The following CRTAP variants were observed in gnomAD, a reference collection of about 807,000 sequenced individuals.
The protein encoded by CRTAP is cartilage associated protein.
CRTAP carries 33 observed loss-of-function variants against 42.7 expected under a neutral mutation model. That is an observed-to-expected ratio of 0.77 (90% CI 0.59 to 1.03). CRTAP has a LOEUF of 1.03. Among genes scored for constraint, CRTAP ranks in the 50% least tolerant of loss-of-function variants. The probability of loss-of-function intolerance (pLI) is 0.00; values close to 1 mark genes in which losing one functional copy is unlikely to be tolerated. For missense variants in CRTAP, 613 were observed against 533.9 expected (o/e 1.15, Z -1.46); for synonymous variants, 243 against 217.7 (o/e 1.12, Z -1.02).
intron 3 of CRTAP, among the ~76,000 whole-genome samples, chr3:33,129,334 A>G (rs1298298812): frequency 6.6e-6 from 1 of 152,104 alleles, no homozygotes; most frequent in Non-Finnish European, 1.5e-5. Flanking sequence ...GGTAGTTTAA[A>G]TTATTTTGGG....
intron 6 of CRTAP, among the ~76,000 whole-genome samples, chr3:33,137,522 A>G (rs369416708): frequency 2.1e-3 from 327 of 152,310 alleles, no homozygotes; most frequent in South Asian, 0.019. Context: ...TGTCTATTCA[A>G]ATCTTTTGTC....
chr3:33,131,729 A>T (rs2030269665), intron 4 of CRTAP, among the ~76,000 whole-genome samples: 2 of 152,108 alleles, frequency 1.3e-5, no homozygotes, highest in Non-Finnish European at 2.9e-5. Context: ...GGTATTATTT[A>T]TATTTGAAGA....
In CRTAP at chr3:33,124,508, AC is replaced by A; in HGVS notation, c.723del (p.Tyr241Ter). 1.2e-6 allele frequency: 2 copies of A among 1,614,208 alleles called. No individual in the cohort carries two copies. The highest frequency in any genetic ancestry group is 1.7e-6 in the Non-Finnish European group (2 of 1,180,040). Reference protein sequence around the residue: ...LALPDFFKAFYECLAACEGSR... With the variant: ...LALPDFFKAFXECLAACEGSR... ...CTTCCCGACTTCTTCAAAGCCTTTT[AC>A]GAGTGTCTCGCAGCCTGCGAGGGTT... is the stretch of plus-strand genomic sequence containing the variant. On this transcript the variant is annotated frameshift_variant, in exon 3 of 7. Transcript: ENST00000320954. LOFTEE classifies it high-confidence loss of function.
chr3:33,119,415 A>G (rs1339884287), intron 1 of CRTAP, among the ~76,000 whole-genome samples: 2 of 152,126 alleles, frequency 1.3e-5, no homozygotes, highest in Non-Finnish European at 2.9e-5. Flanking sequence ...AGAACCCAGA[A>G]CTAGCCCAAC....
In CRTAP at chr3:33,130,059, A is replaced by C. The variant is rs535806404; in HGVS notation, c.914A>C (p.Tyr305Ser). ...ATMYHYLQFA[Y>S]YKLNDLKNAA... ...ATGTATCATTACTTGCAGTTTGCCT[A>C]TTATAAGTGTAAGTAATCTTCTGTG... The change falls in exon 4 of 7, where the codon TAT becomes TCT. Residue 305 changes from tyrosine (Y) to serine (S), a missense_variant. Physicochemically the swap from Tyr to Ser is moderately radical, Grantham distance 144. Transcript: ENST00000320954. 1.2e-6 allele frequency: 2 copies of C among 1,613,510 alleles called. No individual in the cohort carries two copies. The highest frequency in any genetic ancestry group is 1.3e-5 in the African/African-American group (1 of 74,914).
In CRTAP at chr3:33,142,834, A is replaced by G. The variant is rs1015409587; in HGVS notation, c.*386A>G. The G allele has an allele frequency of 7.6e-5, 18 of 235,918 alleles. No homozygotes were observed. The highest frequency in any genetic ancestry group is 1.4e-4 in the Non-Finnish European group (16 of 117,694). 14.6% of individuals were successfully genotyped at this position (235,918 alleles called of 1,614,324 possible). The stretch of plus-strand genomic sequence containing the variant: ...CACGCCCGGCTAATTTTGTATTTTT[A>G]GTAGAGACGGGGTTTTGCCATGTTG... On this transcript the variant is annotated 3_prime_UTR_variant, in exon 7 of 7. Transcript: ENST00000320954.
rs775467663 is a variant in CRTAP, at chr3:33,114,189, C to G, written c.112C>G (p.Arg38Gly). Residue 38 changes from arginine to glycine, a missense_variant, in exon 1 of 7, where the codon CGG becomes GGG. By Grantham distance (125) the Arg-to-Gly change is moderately radical. Transcript: ENST00000320954. The part of the protein sequence containing the change: ...YERYSFRSFP[R>G]DELMPLESAY... ...ACGCTACAGCTTCCGCAGCTTCCCACGGGACGAGCTGATGCCGCTCGAGTC... is the reference window on the plus strand; with the variant it reads ...ACGCTACAGCTTCCGCAGCTTCCCAGGGGACGAGCTGATGCCGCTCGAGTC... The G allele has an allele frequency of 1.3e-6, 2 of 1,592,948 alleles. No individual in the cohort carries two copies. Among genetic ancestry groups the G allele is most frequent in the East Asian group, 2.3e-5 (1 of 44,184 alleles).
chr3:33,133,019 G>T (rs2030315400), intron 5 of CRTAP, among the ~76,000 whole-genome samples: 1 of 151,874 alleles, frequency 6.6e-6, no homozygotes. Flanking sequence ...AGAGGTTGCT[G>T]TGAGCCGAGA....
chr3:33,123,316 G>T (rs916656761), intron 2 of CRTAP, among the ~76,000 whole-genome samples: 1 of 152,182 alleles, frequency 6.6e-6, no homozygotes, highest in African/African-American at 2.4e-5. Flanking sequence ...GGTTGGAGGT[G>T]GGGCCTGGTG....
rs1386386679 is a variant in CRTAP at position 33,145,247 on chromosome 3, G to A, written c.*2799G>A. On this transcript the variant is annotated 3_prime_UTR_variant, in exon 7 of 7. Coordinates refer to ENST00000320954, the MANE Select transcript of CRTAP (RefSeq NM_006371.5). This position sits in a 1 kb window ranked among gnomAD's most constrained non-coding sequence, Gnocchi z 4.3. ...CCCTGCATCAGGTTCTCCTTTGAGG[G>A]TACCCACCCAGGACAGTCCCCTACC... 2.0e-5 allele frequency: 3 copies of A among 152,360 alleles called. 1 individual carries two copies. Among genetic ancestry groups the A allele is most frequent in the Non-Finnish European group, 4.4e-5 (3 of 68,172 alleles). The allele number at this position is 152,360 out of a possible 1,614,324, so 9.4% of individuals were successfully genotyped here.
Position 33,142,736 on chromosome 3 carries a change from C to A in CRTAP, c.*288C>A. On this transcript the variant is annotated 3_prime_UTR_variant, in exon 7 of 7. Transcript: ENST00000320954. Reference sequence around the variant, plus strand: ...ATGGCACGTTCTCAGCTCACTGCAACCTCCGCCTCTTGGGTTCAAGCAATT... The same window carrying A: ...ATGGCACGTTCTCAGCTCACTGCAAACTCCGCCTCTTGGGTTCAAGCAATT... The A allele has an allele frequency of 5.7e-6, 2 of 350,504 alleles. No homozygotes were observed. The highest frequency in any genetic ancestry group is 1.1e-5 in the Non-Finnish European group (2 of 184,086). The allele number at this position is 350,504 out of a possible 1,614,324, so 21.7% of individuals were successfully genotyped here. A position where few individuals can be genotyped will look rare whatever the true frequency, so the allele number is the denominator to read the frequency against.
intron 3 of CRTAP, among the ~76,000 whole-genome samples, chr3:33,129,346 G>T (rs1438893272): frequency 6.6e-6 from 1 of 152,036 alleles, no homozygotes; most frequent in Non-Finnish European, 1.5e-5. Flanking sequence ...TATTTTGGGG[G>T]TAATTGTATT....
rs189866255 is a variant in CRTAP, at chr3:33,117,408, T to C, written c.471+2860T>C. On this transcript the variant is annotated intron_variant, in intron 1 of 6. Transcript: ENST00000320954. ...TTGTAGAAAAGGGCTGTGCTACTGG[T>C]GTGCAGCCTCAGGTGCATCATAGGT... 6.2e-4 allele frequency among the ~76,000 whole-genome samples: 95 copies of C among 152,316 alleles called. 1 individual carries two copies. The highest frequency in any genetic ancestry group is 6.8e-3 in the Middle Eastern group (2 of 294).
At chr3:33,116,057 G>A (rs1237202901) in intron 1 of CRTAP, among the ~76,000 whole-genome samples, 2 of 152,092 alleles carry the variant, frequency 1.3e-5, no homozygotes, top group African/African-American at 4.8e-5. Context: ...TTTTTGTATA[G>A]CTTTTGGCAA....
At position 33,134,217 on chromosome 3, in the gene CRTAP, GA is replaced by G. The variant is rs1446021066; in HGVS notation, c.1106del (p.Lys369ArgfsTer11). The G allele has an allele frequency of 2.5e-6, 4 of 1,613,536 alleles. No individual in the cohort carries two copies. The South Asian group carries it at 4.4e-5, about 18-fold the overall frequency. On this transcript the variant is annotated frameshift_variant, in exon 6 of 7. Transcript: ENST00000320954. LOFTEE classifies it high-confidence loss of function. ...VQFFNVTTLQ[K>X]ELYDFAKENI... Reference sequence around the variant, plus strand: ...AGTTCTTTAATGTGACCACACTCCAGAAGGAGCTGTATGACTTTGCTAAGGA... The same window carrying G: ...AGTTCTTTAATGTGACCACACTCCAGAGGAGCTGTATGACTTTGCTAAGGA...
rs4355234 is a variant in CRTAP, at chr3:33,144,595, A to G, written c.*2147A>G. 22,036 of 152,306 alleles carry G rather than the reference A, an allele frequency of 0.14. 1,815 individuals carry two copies. The highest frequency in any genetic ancestry group is 0.27 in the East Asian group (1,410 of 5,172). 9.4% of individuals were successfully genotyped at this position (152,306 alleles called of 1,614,324 possible). ...TGTAGGCATCTGGCAGCTACCATGC[A>G]TGGTAGTGTGTTGGGGGTGGGGGTC... On this transcript the variant is annotated 3_prime_UTR_variant, in exon 7 of 7. Coordinates refer to ENST00000320954, the MANE Select transcript of CRTAP (RefSeq NM_006371.5).
chr3:33,133,667 A>ACTT (rs1553617754), intron 5 of CRTAP, among the ~76,000 whole-genome samples: 1 of 151,490 alleles, frequency 6.6e-6, no homozygotes, highest in African/African-American at 2.4e-5. Flanking sequence ...ACTTTTTGCA[A>ACTT]CTTTGTCTTT....
rs1482428478 is a variant in CRTAP at position 33,146,036 on chromosome 3, AAAAAC to A, written c.*3593_*3597del. 6.6e-6 allele frequency: 1 copy of A among 151,944 alleles called. No individual in the cohort carries two copies. The highest frequency in any genetic ancestry group is 2.4e-5 in the African/African-American group (1 of 41,230). 9.4% of individuals were successfully genotyped at this position (151,944 alleles called of 1,614,324 possible). A position where few individuals can be genotyped will look rare whatever the true frequency, so the allele number is the denominator to read the frequency against. ...CAAAGGAAACCAAACCTTAAAAAAA[AAAAAC>A]AAAAACTGGGCTGGGTCTTCCAAAC... On this transcript the variant is annotated 3_prime_UTR_variant, in exon 7 of 7. Transcript: ENST00000320954.
rs1158256669 is a variant in CRTAP, at chr3:33,120,333, T to C, written c.472-11T>C. On this transcript the variant is annotated splice_polypyrimidine_tract_variant and intron_variant, in intron 1 of 6. Coordinates refer to ENST00000320954, the MANE Select transcript of CRTAP (RefSeq NM_006371.5). The stretch of plus-strand genomic sequence containing the variant: ...TCCATGGAGTAGCTTTTATGTTCTT[T>C]GTCCTTTTAGGCAAATAATCTCCCC... The C allele has an allele frequency of 1.9e-6, 3 of 1,613,432 alleles. No individual in the cohort carries two copies. The highest frequency in any genetic ancestry group is 1.1e-5 in the South Asian group (1 of 91,064).
Sources: gnomAD v4.1 joint callset for allele counts (sites outside exome capture counted in the v4.1 genomes callset) on GRCh38, gnomAD v4.1.1 for gene constraint, Gnocchi (gnomAD v3.1) non-coding constraint, MANE v1.5 for transcripts, NCBI Gene and HGNC (gene_info 2026-07-23, HGNC 2026-07-21) for gene names.